STAM: variants seen among roughly 807,000 people sequenced by gnomAD.
The protein encoded by STAM is signal transducing adaptor molecule.
STAM carries 16 observed loss-of-function variants against 63.4 expected under a neutral mutation model. That is an observed-to-expected ratio of 0.25 (90% CI 0.17 to 0.38). The LOEUF is 0.38. Ranked by LOEUF, STAM falls within the 10% of genes least tolerant of loss-of-function variation. The probability of loss-of-function intolerance (pLI) is 1.00; values close to 1 mark genes in which losing one functional copy is unlikely to be tolerated. For missense variants in STAM, 636 were observed against 657.1 expected (o/e 0.97, Z 0.35); for synonymous variants, 238 against 223.9 (o/e 1.06, Z -0.56).
chr10:17,713,577 G>A (rs1564577530), intron 13 of STAM, among the ~76,000 whole-genome samples: 1 of 151,948 alleles, frequency 6.6e-6, no homozygotes, highest in South Asian at 2.1e-4. Flanking sequence ...CACTCTACCA[G>A]TTATTTCTAC....
At position 17,672,953 on chromosome 10, in the gene STAM, C is replaced by A. The variant is rs1488556708; in HGVS notation, c.126-11722C>A. 4 of 876,896 alleles carry A rather than the reference C, an allele frequency of 4.6e-6. No homozygotes were observed. The African/African-American group carries it at 7.3e-5, about 16-fold the overall frequency. The allele number at this position is 876,896 out of a possible 1,614,324, so 54.3% of individuals were successfully genotyped here. ...CTTTGTCCCTGCCCCTGACCCCTAT[C>A]TTTTTCTTTTCCCATCTCAAGATAA... On this transcript the variant is annotated intron_variant, in intron 2 of 13. Transcript: ENST00000377524.
In STAM at chr10:17,693,315, GCGTTTTTA is replaced by G; in HGVS notation, c.535+4_535+11del. 1 of 1,606,276 alleles carries G rather than the reference GCGTTTTTA, an allele frequency of 6.2e-7. No individual in the cohort carries two copies. Among genetic ancestry groups the G allele is most frequent in the Non-Finnish European group, 8.5e-7 (1 of 1,177,714 alleles). Reference sequence around the variant, plus strand: ...AGAAGAAGAAGATTTAGCAAAAGGTGCGTTTTTAAGTCCCTGATGGTGGGAATAACATA... The same window carrying G: ...AGAAGAAGAAGATTTAGCAAAAGGTGAGTCCCTGATGGTGGGAATAACATA... On this transcript the variant is annotated splice_donor_5th_base_variant and intron_variant, in intron 6 of 13. Coordinates refer to ENST00000377524, the MANE Select transcript of STAM (RefSeq NM_003473.4).
chr10:17,714,484 A>G, intron 13 of STAM, 59 bp from the exon 14 acceptor site: 2 of 1,483,934 alleles, frequency 1.3e-6, no homozygotes, highest in East Asian at 2.3e-5. Context: ...TTTTCCATTT[A>G]TCTGTAGTTG....
At chr10:17,682,424 A>C (rs1248166792) in intron 2 of STAM, among the ~76,000 whole-genome samples, 2 of 152,222 alleles carry the variant, frequency 1.3e-5, no homozygotes, top group Non-Finnish European at 2.9e-5. Flanking sequence ...AGCCTCTGTG[A>C]ACATTCTTAT....
rs782325176 is a variant in STAM, at chr10:17,705,747, CT to C, written c.1209+10del. The C allele has an allele frequency of 1.7e-5, 27 of 1,609,062 alleles. No individual in the cohort carries two copies. The East Asian group carries it at 6.0e-4, about 36-fold the overall frequency. On this transcript the variant is annotated splice_region_variant and intron_variant, in intron 12 of 13. Transcript: ENST00000377524. ...CTGGTGTTTCTGGTTCTCAGGTAAGCTTTTAGAAGCCCATGTTGTTTTAAAT... is the reference window on the plus strand; with the variant it reads ...CTGGTGTTTCTGGTTCTCAGGTAAGCTTTAGAAGCCCATGTTGTTTTAAAT...
intron 2 of STAM, among the ~76,000 whole-genome samples, chr10:17,663,833 C>T (rs187982419): frequency 2.0e-5 from 3 of 152,018 alleles, no homozygotes; most frequent in African/African-American, 4.8e-5. Context: ...GTTTAACATA[C>T]ATCTCCAGTT....
chr10:17,693,371 T>G, intron 6 of STAM, 59 bp downstream of exon 6: 1 of 1,356,750 alleles, frequency 7.4e-7, no homozygotes, highest in Non-Finnish European at 1.0e-6. Flanking sequence ...TTCTCTGAGA[T>G]ATTTAAAGGT....
In STAM at chr10:17,644,160, T is replaced by TGCCGCC; in HGVS notation, c.-174_-169dup. The TGCCGCC allele has an allele frequency of 1.5e-6, 1 of 652,290 alleles. No homozygotes were observed. The highest frequency in any genetic ancestry group is 2.5e-5 in the Admixed American group (1 of 39,530). 40.4% of individuals were successfully genotyped at this position (652,290 alleles called of 1,614,324 possible). ...GGGGGCTTCCTCGGCTCCTTGCTGT[T>TGCCGCC]GCCGCCGCCGCAGCTGCTGCCGCGG... On this transcript the variant is annotated 5_prime_UTR_variant, in exon 1 of 14. Transcript: ENST00000377524.
chr10:17,704,987 G>C lies in STAM; in HGVS notation c.1018G>C (p.Gly340Arg). The C allele has an allele frequency of 6.2e-7, 1 of 1,612,578 alleles. No individual in the cohort carries two copies. The highest frequency in any genetic ancestry group is 8.5e-7 in the Non-Finnish European group (1 of 1,179,352). ...LHLEAMCHQM[G>R]PLIDEKLEDI... ...CATTTTAGCAATGTGTCACCAGATG[G>C]GACCTCTCATTGATGAAAAGCTGGA... Residue 340 changes from glycine to arginine, a missense_variant, in exon 11 of 14, where the codon GGA becomes CGA. Gly to Arg is a moderately radical substitution (Grantham distance 125). This residue lies in a region of STAM where 532 missense variants were observed against 536.9 expected (regional missense o/e 0.99). Coordinates refer to ENST00000377524, the MANE Select transcript of STAM (RefSeq NM_003473.4).
chr10:17,684,574 A>C (rs34875696), intron 2 of STAM, 101 bp from the exon 3 acceptor site: 2 of 823,506 alleles, frequency 2.4e-6, no homozygotes, highest in Non-Finnish European at 3.7e-6. Flanking sequence ...CTACTTTATC[A>C]TAGTCTCCCT....
intron 8 of STAM, among the ~76,000 whole-genome samples, chr10:17,699,625 C>G (rs1835903563): frequency 6.6e-6 from 1 of 152,176 alleles, no homozygotes; most frequent in Admixed American, 6.5e-5. Context: ...TGTTGGAAGA[C>G]TGAGACCCCT....
intron 12 of STAM, among the ~76,000 whole-genome samples, chr10:17,706,784 TATCTC>T (rs782650436): frequency 1.7e-4 from 26 of 152,158 alleles, no homozygotes; most frequent in Non-Finnish European, 3.4e-4. Context: ...AGGTCAGACA[TATCTC>T]AATAAAGTAG....
intron 2 of STAM, among the ~76,000 whole-genome samples, chr10:17,662,938 A>G (rs1834230664): frequency 6.6e-6 from 1 of 152,196 alleles, no homozygotes; most frequent in African/African-American, 2.4e-5. Flanking sequence ...AGTTTTATCT[A>G]GCATTGCAGC....
chr10:17,714,946 T>G lies in STAM; in HGVS notation c.*166T>G. ...GAACTCTCCTCAATTTACACTGACT[T>G]TTTAGAGGTTCTTCCCCCCCCGCCC... is the stretch of plus-strand genomic sequence containing the variant. On this transcript the variant is annotated 3_prime_UTR_variant, in exon 14 of 14. Coordinates refer to ENST00000377524, the MANE Select transcript of STAM (RefSeq NM_003473.4). 1.5e-6 allele frequency: 1 copy of G among 662,966 alleles called. No homozygotes were observed. The highest frequency in any genetic ancestry group is 2.6e-6 in the Non-Finnish European group (1 of 389,292). 41.1% of individuals were successfully genotyped at this position (662,966 alleles called of 1,614,324 possible). A position where few individuals can be genotyped will look rare whatever the true frequency, so the allele number is the denominator to read the frequency against.
intron 7 of STAM, 66 bp downstream of exon 7, chr10:17,695,307 C>A: frequency 7.0e-7 from 1 of 1,431,094 alleles, no homozygotes; most frequent in Non-Finnish European, 9.5e-7. Flanking sequence ...TCATATTATT[C>A]CTGTTGATTG....
At chr10:17,687,803 T>A (rs899600165) in intron 4 of STAM, among the ~76,000 whole-genome samples, 2 of 152,228 alleles carry the variant, frequency 1.3e-5, no homozygotes, top group African/African-American at 4.8e-5. Flanking sequence ...ATCTCCAAAA[T>A]CTTATTACCT....
intron 9 of STAM, among the ~76,000 whole-genome samples, chr10:17,703,941 G>A (rs561208248): frequency 6.6e-6 from 1 of 152,218 alleles, no homozygotes; most frequent in Non-Finnish European, 1.5e-5. Flanking sequence ...GAGATGGATA[G>A]TACACTTGTT....
chr10:17,713,890 G>A (rs142573207), intron 13 of STAM, among the ~76,000 whole-genome samples: 45 of 152,132 alleles, frequency 3.0e-4, no homozygotes, highest in Non-Finnish European at 5.0e-4. Context: ...GCCATCAGGT[G>A]CTGTGTGTTC....
At chr10:17,651,140 G>A (rs1833726826) in intron 1 of STAM, among the ~76,000 whole-genome samples, 1 of 150,902 alleles carries the variant, frequency 6.6e-6, no homozygotes, top group South Asian at 2.1e-4. Context: ...TTTCAGCAGG[G>A]CATGTAAGGC....
Sources: allele counts gnomAD v4.1 joint callset (sites outside exome capture counted in the v4.1 genomes callset), GRCh38; gene constraint gnomAD v4.1.1; regional missense constraint gnomAD v4.1.1; transcripts MANE v1.5; gene names NCBI Gene and HGNC (gene_info 2026-07-23, HGNC 2026-07-21).